The following RBM6 variants were observed in gnomAD, a reference collection of about 807,000 sequenced individuals.
The protein encoded by RBM6 is RNA binding motif protein 6.
Under a neutral mutation model 140.4 loss-of-function variants are expected in RBM6, and 23 were observed. The observed-to-expected ratio is 0.16, with a 90% CI of 0.12 to 0.23. The LOEUF (loss-of-function observed/expected upper bound fraction) is 0.23, where lower values mean the gene tolerates loss of function less well. Ranked by LOEUF, RBM6 falls within the 10% of genes least tolerant of loss-of-function variation. The pLI is 1.00. For synonymous variants in RBM6, 439 were observed against 475.6 expected, an observed-to-expected ratio of 0.92 and a Z score of 1.00; for missense variants, 1,139 against 1,386.7, an observed-to-expected ratio of 0.82 and a Z score of 2.84.
Position 50,058,697 on chromosome 3 carries a change from G to A in RBM6, c.2130+135G>A, listed in dbSNP as rs890910715. The A allele has an allele frequency of 1.8e-5, 15 of 842,480 alleles. No individual in the cohort carries two copies. In the Admixed American group the frequency reaches 2.4e-4, roughly 14 times the overall value. 52.2% of individuals were successfully genotyped at this position (842,480 alleles called of 1,614,324 possible). ...TGGGAGGCCGAGGTGGGTGGATCAC[G>A]AGGTCAGGAAATCAAGACCATCCTG... is the stretch of plus-strand genomic sequence containing the variant. On this transcript the variant is annotated intron_variant, in intron 10 of 20. Transcript: ENST00000266022.
intron 5 of RBM6, among the ~76,000 whole-genome samples, chr3:49,996,347 A>G (rs1409425427): frequency 6.6e-6 from 1 of 152,184 alleles, no homozygotes; most frequent in Non-Finnish European, 1.5e-5. Context: ...GTCTTCAAGT[A>G]TGATTTTTGA....
intron 6 of RBM6, among the ~76,000 whole-genome samples, chr3:50,012,290 C>T (rs968922455): frequency 1.3e-5 from 2 of 152,018 alleles, no homozygotes; most frequent in Non-Finnish European, 2.9e-5. Flanking sequence ...TCAAGTGATC[C>T]TCCCACCTTG....
chr3:49,988,983 G>A (rs1421106030), intron 5 of RBM6, among the ~76,000 whole-genome samples: 2 of 152,068 alleles, frequency 1.3e-5, no homozygotes, highest in Admixed American at 1.3e-4. Flanking sequence ...TCCAGGAGCT[G>A]TGTTGAGTGG....
intron 6 of RBM6, among the ~76,000 whole-genome samples, chr3:50,036,815 C>CTCTG (rs2088562930): frequency 6.6e-6 from 1 of 152,030 alleles, no homozygotes; most frequent in Admixed American, 6.6e-5. Flanking sequence ...GGGAGTCTTG[C>CTCTG]TCTGTCGCGA....
chr3:49,994,688 G>A (rs1391483621), intron 5 of RBM6, among the ~76,000 whole-genome samples: 1 of 151,874 alleles, frequency 6.6e-6, no homozygotes. Flanking sequence ...GTGTGTGTGT[G>A]TGTGTGTTTT....
intron 6 of RBM6, among the ~76,000 whole-genome samples, chr3:50,011,007 C>T (rs2086820684): frequency 6.6e-6 from 1 of 151,776 alleles, no homozygotes; most frequent in African/African-American, 2.4e-5. Context: ...CCACCCTACC[C>T]CAACCCCCCA....
At chr3:50,017,677 G>A (rs1233952731) in intron 6 of RBM6, among the ~76,000 whole-genome samples, 1 of 152,044 alleles carries the variant, frequency 6.6e-6, no homozygotes, top group Non-Finnish European at 1.5e-5. Context: ...TTGGATATTA[G>A]CCCTTTATCA....
At chr3:50,018,765 A>G (rs1288874845) in intron 6 of RBM6, among the ~76,000 whole-genome samples, 2 of 150,802 alleles carry the variant, frequency 1.3e-5, no homozygotes, top group African/African-American at 4.9e-5. Context: ...AATTTTTTGT[A>G]TTTTTAGTAG....
chr3:50,001,993 T>C (rs2086355194), intron 6 of RBM6, among the ~76,000 whole-genome samples: 1 of 152,196 alleles, frequency 6.6e-6, no homozygotes, highest in African/African-American at 2.4e-5. Context: ...CCAGAACACT[T>C]ACTATAGTAC....
At chr3:49,945,122 G>T (rs984630876) in intron 1 of RBM6, among the ~76,000 whole-genome samples, 1 of 149,370 alleles carries the variant, frequency 6.7e-6, no homozygotes, top group African/African-American at 2.5e-5. Context: ...TGATCTGCCC[G>T]CCTTGGCCTC....
intron 14 of RBM6, 72 bp downstream of exon 14, chr3:50,061,619 A>C (rs777396706): frequency 1.3e-6 from 2 of 1,508,162 alleles, no homozygotes; most frequent in South Asian, 2.5e-5. Flanking sequence ...AAAAGCACCC[A>C]TAATTTGCTA....
intron 6 of RBM6, among the ~76,000 whole-genome samples, chr3:50,002,157 G>A (rs2086364613): frequency 1.3e-5 from 2 of 151,834 alleles, no homozygotes; most frequent in Non-Finnish European, 2.9e-5. Context: ...GCGTAATCTT[G>A]GCTCACTGCA....
chr3:50,009,283 T>C (rs948079662), intron 6 of RBM6, among the ~76,000 whole-genome samples: 3 of 152,240 alleles, frequency 2.0e-5, no homozygotes, highest in African/African-American at 7.2e-5. Flanking sequence ...ACCATGACCA[T>C]ACCTGCCTTC....
At chr3:49,971,865 G>A (rs2084808970) in intron 3 of RBM6, among the ~76,000 whole-genome samples, 194 bp from the exon 4 acceptor site, 1 of 152,144 alleles carries the variant, frequency 6.6e-6, no homozygotes, top group Non-Finnish European at 1.5e-5. Context: ...GTGAGACTTG[G>A]TCTTAGCACA....
chr3:49,945,121 C>T (rs931347802), intron 1 of RBM6, among the ~76,000 whole-genome samples: 5 of 151,052 alleles, frequency 3.3e-5, no homozygotes, highest in Admixed American at 6.6e-5. Context: ...ATGATCTGCC[C>T]GCCTTGGCCT....
chr3:50,045,443 A>G (rs918096007), intron 6 of RBM6, among the ~76,000 whole-genome samples: 1 of 152,202 alleles, frequency 6.6e-6, no homozygotes, highest in Admixed American at 6.5e-5. Context: ...GATTCATTCA[A>G]CAAGAGCTTA....
chr3:49,996,277 A>G (rs1362358765), intron 5 of RBM6, among the ~76,000 whole-genome samples: 1 of 152,234 alleles, frequency 6.6e-6, no homozygotes, highest in African/African-American at 2.4e-5. Context: ...CGCTGGAGGA[A>G]AAACTGGCAA....
At chr3:49,959,188 CTTTTTTTTT>C (rs35892482) in intron 1 of RBM6, among the ~76,000 whole-genome samples, 3 of 124,950 alleles carry the variant, frequency 2.4e-5, no homozygotes, top group Non-Finnish European at 3.4e-5. Context: ...GATTTTTTTC[CTTTTTTTTT>C]TTTTTTTTTG....
intron 5 of RBM6, among the ~76,000 whole-genome samples, chr3:49,979,118 A>C (rs2085187583): frequency 6.6e-6 from 1 of 152,202 alleles, no homozygotes; most frequent in African/African-American, 2.4e-5. Flanking sequence ...TGAAATACTG[A>C]TGTATGCTAC....
Sources: allele counts gnomAD v4.1 joint callset (sites outside exome capture counted in the v4.1 genomes callset), GRCh38; gene constraint gnomAD v4.1.1; transcripts MANE v1.5; gene names NCBI Gene and HGNC (gene_info 2026-07-23, HGNC 2026-07-21).